Variants in CMIP observed in about 807,000 individuals in gnomAD.
CMIP encodes the protein C-Maf-inducing protein.
A neutral mutation model predicts 97.3 loss-of-function variants in CMIP; 13 were observed. The observed-to-expected ratio is 0.13, with a 90% CI of 0.09 to 0.21. The LOEUF (loss-of-function observed/expected upper bound fraction) is 0.21, where lower values mean the gene tolerates loss of function less well. Ranked by LOEUF, CMIP falls within the 10% of genes least tolerant of loss-of-function variation. The probability of loss-of-function intolerance (pLI) is 1.00; values close to 1 mark genes in which losing one functional copy is unlikely to be tolerated. For missense variants in CMIP, 847 were observed against 1,024.9 expected (o/e 0.83, Z 2.37); for synonymous variants, 538 against 436.3 (o/e 1.23, Z -2.91).
intron 1 of CMIP, among the ~76,000 whole-genome samples, chr16:81,580,740 T>C (rs2091282668): frequency 1.3e-5 from 2 of 150,828 alleles, no homozygotes; most frequent in South Asian, 4.3e-4. Flanking sequence ...CTGGTTGCAG[T>C]GAGCCGAAAT....
chr16:81,464,469 A>G (rs1344443632), intron 1 of CMIP: 1 of 151,550 alleles, frequency 6.6e-6, no homozygotes, highest in Admixed American at 6.6e-5. Context: ...CAACCAGGAA[A>G]ATCTTGATCA....
chr16:81,478,776 A>G (rs1485234114), intron 1 of CMIP, among the ~76,000 whole-genome samples: 2 of 152,178 alleles, frequency 1.3e-5, no homozygotes, highest in African/African-American at 4.8e-5. Context: ...TGGAAGCGCC[A>G]TATCCAGAGG....
chr16:81,542,662 C>T (rs1308345897), intron 1 of CMIP, among the ~76,000 whole-genome samples: 2 of 152,142 alleles, frequency 1.3e-5, no homozygotes, highest in African/African-American at 4.8e-5. Context: ...GGTGAGGGCC[C>T]TCTTCCTGGC....
chr16:81,467,394 T>A (rs968092708), intron 1 of CMIP, among the ~76,000 whole-genome samples: 1 of 152,088 alleles, frequency 6.6e-6, no homozygotes, highest in Non-Finnish European at 1.5e-5. Context: ...CCTCTCCCCC[T>A]CTGTGAGGCT....
At chr16:81,458,268 A>C (rs2150735507) in intron 1 of CMIP, among the ~76,000 whole-genome samples, 1 of 151,964 alleles carries the variant, frequency 6.6e-6, no homozygotes, top group East Asian at 1.9e-4. Flanking sequence ...TTATAGCTGA[A>C]CCCCATCACC....
At chr16:81,583,604 C>A (rs917435060) in intron 1 of CMIP, among the ~76,000 whole-genome samples, 1 of 152,118 alleles carries the variant, frequency 6.6e-6, no homozygotes, top group African/African-American at 2.4e-5. Context: ...AAGAGAAGAC[C>A]CACTGTCTCA....
intron 10 of CMIP, among the ~76,000 whole-genome samples, chr16:81,690,583 G>A (rs909583052): frequency 5.9e-5 from 9 of 152,050 alleles, no homozygotes; most frequent in Non-Finnish European, 1.2e-4. Flanking sequence ...AGCTCACTGC[G>A]GCCTCCGCCT....
chr16:81,657,505 C>A (rs1426330042), intron 4 of CMIP, among the ~76,000 whole-genome samples: 2 of 152,148 alleles, frequency 1.3e-5, no homozygotes, highest in Non-Finnish European at 2.9e-5. Context: ...CTGAGTCTCC[C>A]CTAGACTCGA....
rs2091881254 is a variant in CMIP, at chr16:81,614,499, C to T, written c.427-6377C>T. ...ACCTGGAAATGACACAAATGATGAC[C>T]CCAGCAAGTCTGGGTGTGTGTGTGG... is the stretch of plus-strand genomic sequence containing the variant. On this transcript the variant is annotated intron_variant, in intron 2 of 20. Transcript: ENST00000537098. The surrounding 1 kb of genome is among the most constrained non-coding windows in gnomAD (Gnocchi z 5.3). 6.6e-6 allele frequency among the ~76,000 whole-genome samples: 1 copy of T among 152,136 alleles called. No homozygotes were observed. The highest frequency in any genetic ancestry group is 1.5e-5 in the Non-Finnish European group (1 of 68,034).
At chr16:81,669,018 ACTC>A (rs1444556008) in intron 7 of CMIP, among the ~76,000 whole-genome samples, 6 of 90,060 alleles carry the variant, frequency 6.7e-5, no homozygotes, top group Admixed American at 1.1e-4. Context: ...CCCACCTCAC[ACTC>A]CTCCTTCCAC....
At chr16:81,572,568 C>T (rs1269762423) in intron 1 of CMIP, among the ~76,000 whole-genome samples, 1 of 152,226 alleles carries the variant, frequency 6.6e-6, no homozygotes, top group Non-Finnish European at 1.5e-5. Flanking sequence ...GGAGTTAGGC[C>T]TTGCCACCCT....
intron 1 of CMIP, among the ~76,000 whole-genome samples, chr16:81,573,064 C>T (rs2091124327): frequency 6.6e-6 from 1 of 152,254 alleles, no homozygotes; most frequent in South Asian, 2.1e-4. Flanking sequence ...CACCTTTAGA[C>T]CAGGTGCAGT....
intron 1 of CMIP, among the ~76,000 whole-genome samples, chr16:81,448,004 G>A (rs904101479): frequency 2.6e-5 from 4 of 152,222 alleles, no homozygotes; most frequent in African/African-American, 9.7e-5. Context: ...TTTATAGTGC[G>A]GCCCAAGCAC....
At chr16:81,473,333 C>T (rs1176766672) in intron 1 of CMIP, among the ~76,000 whole-genome samples, 3 of 152,178 alleles carry the variant, frequency 2.0e-5, no homozygotes, top group Non-Finnish European at 1.5e-5. Flanking sequence ...CAGCAGGGGC[C>T]GCTCTGTAAT....
rs113180631 is a variant in CMIP, at chr16:81,678,329, C to T, written c.1089C>T (p.Cys363=). The change falls in exon 10 of 21, where the codon TGC becomes TGT. Residue 363 remains cysteine (C), a synonymous_variant. Transcript: ENST00000537098. The part of the protein sequence containing the change: ...KEIRNGCQQP[C]DRKPTLPLRL... ...TCCGGAACGGCTGCCAGCAGCCGTG[C>T]GACCGGAAGCCCACTTTACCTCTGC... is the stretch of plus-strand genomic sequence containing the variant. The T allele has an allele frequency of 1.4e-5, 22 of 1,610,160 alleles. No homozygotes were observed. The highest frequency in any genetic ancestry group is 6.7e-5 in the Admixed American group (4 of 59,834).
At chr16:81,669,556 CAT>C (rs2092658654) in intron 7 of CMIP, among the ~76,000 whole-genome samples, 1 of 146,014 alleles carries the variant, frequency 6.8e-6, no homozygotes. Context: ...ACACCCACTT[CAT>C]ACTTCCTTCC....
intron 1 of CMIP, among the ~76,000 whole-genome samples, chr16:81,596,035 CTT>C (rs895614087): frequency 6.6e-6 from 1 of 151,582 alleles, no homozygotes; most frequent in African/African-American, 2.4e-5. Flanking sequence ...TCCCTCAACA[CTT>C]TTTTTTTGTC....
At chr16:81,598,162 G>A (rs980099955) in intron 1 of CMIP, among the ~76,000 whole-genome samples, 1 of 152,110 alleles carries the variant, frequency 6.6e-6, no homozygotes, top group Non-Finnish European at 1.5e-5. Context: ...ACTGGCACAC[G>A]CTAGAGAAGT....
intron 1 of CMIP, among the ~76,000 whole-genome samples, chr16:81,495,025 A>G (rs1316246200): frequency 6.6e-6 from 1 of 152,166 alleles, no homozygotes; most frequent in Non-Finnish European, 1.5e-5. Flanking sequence ...AATTCTGATG[A>G]CAAAACCTTA....
Sources: gnomAD v4.1 joint callset for allele counts (sites outside exome capture counted in the v4.1 genomes callset) on GRCh38, gnomAD v4.1.1 for gene constraint, Gnocchi (gnomAD v3.1) non-coding constraint, MANE v1.5 for transcripts, NCBI Gene and HGNC (gene_info 2026-07-23, HGNC 2026-07-21) for gene names.